The following COL24A1 variants were observed in gnomAD, a reference collection of about 807,000 sequenced individuals.
COL24A1 encodes collagen type XXIV alpha 1 chain.
In COL24A1, 224 loss-of-function variants were observed where a neutral mutation model predicts 253.9. The observed-to-expected ratio is 0.88, with a 90% confidence interval of 0.79 to 0.99. The LOEUF (loss-of-function observed/expected upper bound fraction) is 0.99, where lower values mean the gene tolerates loss of function less well. Ranked by LOEUF, COL24A1 falls within the 50% of genes least tolerant of loss-of-function variation. COL24A1 has a pLI of 0.00. For synonymous variants in COL24A1, 685 were observed against 673.7 expected (o/e 1.02, Z -0.26); for missense variants, 2,131 against 2,068.5 (o/e 1.03, Z -0.59).
At position 86,106,384 on chromosome 1, in the gene COL24A1, A is replaced by G. The variant is rs189830437; in HGVS notation, c.1599+6183T>C. Among the ~76,000 whole-genome samples, 20 of 152,220 alleles carry G rather than the reference A, an allele frequency of 1.3e-4. No homozygotes were observed. In the East Asian group the frequency reaches 3.9e-3, roughly 29 times the overall value. On this transcript the variant is annotated intron_variant, in intron 5 of 59. Coordinates refer to ENST00000370571, the MANE Select transcript of COL24A1 (RefSeq NM_152890.7). Reference sequence around the variant, plus strand: ...AGGCTAGATGTTTTCATTTAACTGGATTAAATTTGAAGGAACTATTGGCCC... The same window carrying G: ...AGGCTAGATGTTTTCATTTAACTGGGTTAAATTTGAAGGAACTATTGGCCC...
At chr1:85,915,694 G>C (rs912988678) in intron 24 of COL24A1, among the ~76,000 whole-genome samples, 11 of 152,194 alleles carry the variant, frequency 7.2e-5, no homozygotes, top group African/African-American at 2.2e-4. Flanking sequence ...TGTCGCCTGG[G>C]CTGGAGTGCA....
chr1:86,038,136 T>C (rs2101580593), intron 12 of COL24A1, among the ~76,000 whole-genome samples: 1 of 152,264 alleles, frequency 6.6e-6, no homozygotes. Context: ...AATTTAATAA[T>C]AATATGCATT....
intron 59 of COL24A1, among the ~76,000 whole-genome samples, chr1:85,732,175 A>G (rs1337259473): frequency 6.6e-6 from 1 of 152,166 alleles, no homozygotes; most frequent in Non-Finnish European, 1.5e-5. Flanking sequence ...AGTCACTAGC[A>G]GTACAGTAAG....
At chr1:85,809,933 T>A (rs1423390886) in intron 47 of COL24A1, among the ~76,000 whole-genome samples, 1 of 151,808 alleles carries the variant, frequency 6.6e-6, no homozygotes, top group African/African-American at 2.4e-5. Context: ...TAACTGAAAC[T>A]CTATACTCAT....
At position 85,891,155 on chromosome 1, in the gene COL24A1, G is replaced by A. The variant is rs368443082; in HGVS notation, c.2923-1542C>T. 3.8e-3 allele frequency among the ~76,000 whole-genome samples: 576 copies of A among 150,548 alleles called. 2 individuals are homozygous for A. The highest frequency in any genetic ancestry group is 7.0e-3 in the Middle Eastern group (2 of 286). On this transcript the variant is annotated intron_variant, in intron 31 of 59. Transcript: ENST00000370571. ...AACCTCCACATCCTGGGTTCACGCC[G>A]TTCTCCTGCCTCGGCCTCCCGAGTA...
chr1:85,832,468 C>T (rs938415437), intron 43 of COL24A1, among the ~76,000 whole-genome samples: 2 of 151,408 alleles, frequency 1.3e-5, no homozygotes, highest in Non-Finnish European at 2.9e-5. Flanking sequence ...TGAAGAAAGT[C>T]ATTGGTAGCT....
At chr1:85,736,486 A>C (rs1205638546) in intron 58 of COL24A1, 1 of 456,186 alleles carries the variant, frequency 2.2e-6, no homozygotes, top group East Asian at 7.0e-5. Flanking sequence ...GCTGCTCTTT[A>C]TTAGAGGTTC....
chr1:86,113,119 T>C (rs1284736915), intron 4 of COL24A1, among the ~76,000 whole-genome samples: 1 of 152,264 alleles, frequency 6.6e-6, no homozygotes, highest in Non-Finnish European at 1.5e-5. Flanking sequence ...TTTGCATCAC[T>C]GATAAATTAT....
intron 2 of COL24A1, among the ~76,000 whole-genome samples, chr1:86,142,552 A>AAC (rs1651308447): frequency 6.6e-6 from 1 of 151,668 alleles, no homozygotes. Context: ...AAAAAACAAA[A>AAC]AAAACAATTT....
intron 24 of COL24A1, among the ~76,000 whole-genome samples, chr1:85,926,343 G>C (rs1687215350): frequency 6.6e-6 from 1 of 152,220 alleles, no homozygotes; most frequent in African/African-American, 2.4e-5. Context: ...CCAAAGGATT[G>C]TAAGTCATGC....
chr1:86,044,003 G>A (rs1415693595), intron 12 of COL24A1, among the ~76,000 whole-genome samples: 1 of 152,086 alleles, frequency 6.6e-6, no homozygotes, highest in Non-Finnish European at 1.5e-5. Context: ...TTTTAGTTCT[G>A]TTCTGTATTT....
intron 53 of COL24A1, among the ~76,000 whole-genome samples, chr1:85,762,778 G>A (rs939904243): frequency 6.6e-6 from 1 of 152,120 alleles, no homozygotes; most frequent in Non-Finnish European, 1.5e-5. Flanking sequence ...GCAAGTTTTT[G>A]ACATTTGGAA....
intron 32 of COL24A1, among the ~76,000 whole-genome samples, chr1:85,881,196 A>T (rs1399471810): frequency 6.6e-6 from 1 of 152,200 alleles, no homozygotes; most frequent in Non-Finnish European, 1.5e-5. Flanking sequence ...GTTATTAGTG[A>T]TTGATTCTAT....
chr1:85,966,040 AAG>A (rs1691540872), intron 22 of COL24A1, among the ~76,000 whole-genome samples: 1 of 152,120 alleles, frequency 6.6e-6, no homozygotes, highest in African/African-American at 2.4e-5. Context: ...AGGGTAGAAG[AAG>A]AGAGTCCAAA....
chr1:85,786,181 T>A (rs986228972), intron 48 of COL24A1, among the ~76,000 whole-genome samples, 173 bp downstream of exon 48: 1 of 152,198 alleles, frequency 6.6e-6, no homozygotes, highest in Non-Finnish European at 1.5e-5. Context: ...GTGGCTATCA[T>A]GGGAGATGGA....
At chr1:85,875,176 C>T in intron 34 of COL24A1, 101 bp downstream of exon 34, 1 of 1,007,944 alleles carries the variant, frequency 9.9e-7, no homozygotes, top group East Asian at 2.5e-5. Flanking sequence ...GGGGCTTCCA[C>T]CTGCTTTCAA....
chr1:85,761,334 T>C, intron 55 of COL24A1, 62 bp downstream of exon 55: 2 of 1,568,686 alleles, frequency 1.3e-6, no homozygotes, highest in Middle Eastern at 1.9e-4. Flanking sequence ...CAGAAGGATA[T>C]TTAAAAAGTT....
chr1:86,000,782 T>C (rs1314151380), intron 19 of COL24A1, among the ~76,000 whole-genome samples: 2 of 152,226 alleles, frequency 1.3e-5, no homozygotes, highest in Non-Finnish European at 2.9e-5. Flanking sequence ...ATTTTTGTCA[T>C]AAACAATTGG....
chr1:85,950,862 T>A (rs774254243), intron 24 of COL24A1, among the ~76,000 whole-genome samples: 35 of 152,182 alleles, frequency 2.3e-4, no homozygotes, highest in Non-Finnish European at 4.4e-4. Context: ...ACTCAAGAAG[T>A]TGGGTGGGAC....
Sources: gnomAD v4.1 joint callset for allele counts (sites outside exome capture counted in the v4.1 genomes callset) on GRCh38, gnomAD v4.1.1 for gene constraint, MANE v1.5 for transcripts, NCBI Gene and HGNC (gene_info 2026-07-23, HGNC 2026-07-21) for gene names.